The following KCNJ3 variants were observed in gnomAD, a reference collection of about 807,000 sequenced individuals.
KCNJ3 encodes potassium inwardly rectifying channel subfamily J member 3.
In KCNJ3, 4 loss-of-function variants were observed where a neutral mutation model predicts 39.2. The observed-to-expected ratio is 0.10, with a 90% confidence interval of 0.05 to 0.23. The LOEUF is 0.23. KCNJ3 is among the 10% of genes least tolerant of loss of function. The probability of loss-of-function intolerance (pLI) is 1.00; values close to 1 mark genes in which losing one functional copy is unlikely to be tolerated. For missense variants in KCNJ3, 276 were observed against 634.9 expected, an observed-to-expected ratio of 0.43 and a Z score of 6.08; for synonymous variants, 230 against 237.4, an observed-to-expected ratio of 0.97 and a Z score of 0.29.
At chr2:154,714,120 A>T (rs1410261038) in intron 2 of KCNJ3, among the ~76,000 whole-genome samples, 3 of 152,108 alleles carry the variant, frequency 2.0e-5, no homozygotes. Flanking sequence ...TGTCTTTTAT[A>T]GCTACAAATG....
intron 2 of KCNJ3, among the ~76,000 whole-genome samples, chr2:154,727,049 C>A (rs565614152): frequency 6.6e-5 from 10 of 152,136 alleles, no homozygotes; most frequent in East Asian, 5.8e-4. Context: ...TAAAAGACTA[C>A]GCATTGGTTA....
chr2:154,782,136 T>A (rs1440559363), intron 2 of KCNJ3, among the ~76,000 whole-genome samples: 2 of 152,144 alleles, frequency 1.3e-5, no homozygotes, highest in Non-Finnish European at 2.9e-5. Flanking sequence ...TAGGAAGTCT[T>A]AATGAGTGAG....
intron 1 of KCNJ3, among the ~76,000 whole-genome samples, chr2:154,705,679 A>G (rs992268558): frequency 2.0e-5 from 3 of 152,210 alleles, no homozygotes; most frequent in African/African-American, 7.2e-5. Context: ...CATCTGTATT[A>G]TAAGTAACTT....
intron 2 of KCNJ3, among the ~76,000 whole-genome samples, chr2:154,803,092 G>A (rs1040416474): frequency 6.6e-6 from 1 of 151,968 alleles, no homozygotes. Context: ...GTCGCTTAAG[G>A]TTATTTAGAT....
In KCNJ3 at chr2:154,760,861, C is replaced by T. The variant is rs1236672668; in HGVS notation, c.919+51042C>T. 6.0e-5 allele frequency among the ~76,000 whole-genome samples: 9 copies of T among 150,412 alleles called. No individual in the cohort carries two copies. The East Asian group carries it at 1.4e-3, about 23-fold the overall frequency. On this transcript the variant is annotated intron_variant, in intron 2 of 2. Coordinates refer to ENST00000295101, the MANE Select transcript of KCNJ3 (RefSeq NM_002239.4). Reference sequence around the variant, plus strand: ...ATGCCATTCTCCTGCCTCAGCCTCCCGAGTAGCTGGGACTACAGGTGCCCG... The same window carrying T: ...ATGCCATTCTCCTGCCTCAGCCTCCTGAGTAGCTGGGACTACAGGTGCCCG...
At chr2:154,793,200 T>G (rs1405081401) in intron 2 of KCNJ3, among the ~76,000 whole-genome samples, 1 of 152,118 alleles carries the variant, frequency 6.6e-6, no homozygotes, top group East Asian at 1.9e-4. Flanking sequence ...ATAAAGATTA[T>G]ATTATATTGG....
rs764958384 is a variant in KCNJ3 at position 154,752,444 on chromosome 2, T to A, written c.919+42625T>A. On this transcript the variant is annotated intron_variant, in intron 2 of 2. Transcript: ENST00000295101. Reference sequence around the variant, plus strand: ...TGTATGGAGCTTTAAAGAAGGATTTTAAAAACTTGATGAAATTGAGAGATA... The same window carrying A: ...TGTATGGAGCTTTAAAGAAGGATTTAAAAAACTTGATGAAATTGAGAGATA... Among the ~76,000 whole-genome samples, 11 of 151,978 alleles carry A rather than the reference T, an allele frequency of 7.2e-5. 1 individual carries two copies. The highest frequency in any genetic ancestry group is 4.4e-5 in the Non-Finnish European group (3 of 67,900).
chr2:154,802,383 T>TA (rs1227535414), intron 2 of KCNJ3, among the ~76,000 whole-genome samples: 2 of 152,190 alleles, frequency 1.3e-5, no homozygotes, highest in Non-Finnish European at 2.9e-5. Context: ...CCTGATATTA[T>TA]GGTCCCTGCC....
chr2:154,831,503 CTG>C (rs1687363377), intron 2 of KCNJ3, among the ~76,000 whole-genome samples: 2 of 152,212 alleles, frequency 1.3e-5, no homozygotes, highest in South Asian at 4.1e-4. Context: ...CTGTCAAAGA[CTG>C]TTGTCAGTAC....
Position 154,857,036 on chromosome 2 carries a change from A to G in KCNJ3, c.*1723A>G, listed in dbSNP as rs1186692294. On this transcript the variant is annotated 3_prime_UTR_variant, in exon 3 of 3. Coordinates refer to ENST00000295101, the MANE Select transcript of KCNJ3 (RefSeq NM_002239.4). Reference sequence around the variant, plus strand: ...TAATACATCAACACTTAAATCATTGACTATAATAATACCTTCTGGCTACCT... The same window carrying G: ...TAATACATCAACACTTAAATCATTGGCTATAATAATACCTTCTGGCTACCT... 1 of 152,184 alleles carries G rather than the reference A, an allele frequency of 6.6e-6. No homozygotes were observed. The highest frequency in any genetic ancestry group is 1.5e-5 in the Non-Finnish European group (1 of 68,032). 9.4% of individuals were successfully genotyped at this position (152,184 alleles called of 1,614,324 possible). A position where few individuals can be genotyped will look rare whatever the true frequency, so the allele number is the denominator to read the frequency against.
intron 2 of KCNJ3, among the ~76,000 whole-genome samples, chr2:154,785,541 T>C (rs1011192236): frequency 1.6e-4 from 25 of 151,922 alleles, no homozygotes; most frequent in African/African-American, 5.6e-4. Flanking sequence ...ATGGAGAGAG[T>C]GTGTTAGTTA....
In KCNJ3 at chr2:154,857,459, C is replaced by T. The variant is rs936028977; in HGVS notation, c.*2146C>T. 4.6e-5 allele frequency: 7 copies of T among 152,028 alleles called. No individual in the cohort carries two copies. Among genetic ancestry groups the T allele is most frequent in the Admixed American group, 1.3e-4 (2 of 15,240 alleles). The allele number at this position is 152,028 out of a possible 1,614,324, so 9.4% of individuals were successfully genotyped here. Reference sequence around the variant, plus strand: ...TCTATGTCGTAGGCATTTTTAGTTCCTGGGGATTTGGACATGGCTAAGTCA... The same window carrying T: ...TCTATGTCGTAGGCATTTTTAGTTCTTGGGGATTTGGACATGGCTAAGTCA... On this transcript the variant is annotated 3_prime_UTR_variant, in exon 3 of 3. Transcript: ENST00000295101.
At chr2:154,753,218 C>A (rs529192466) in intron 2 of KCNJ3, among the ~76,000 whole-genome samples, 1 of 151,928 alleles carries the variant, frequency 6.6e-6, no homozygotes, top group Non-Finnish European at 1.5e-5. Context: ...TATGACACTC[C>A]CCTGTTACTT....
At chr2:154,838,692 T>G (rs932451712) in intron 2 of KCNJ3, among the ~76,000 whole-genome samples, 11 of 152,210 alleles carry the variant, frequency 7.2e-5, no homozygotes, top group African/African-American at 2.7e-4. Context: ...TTTTGTTTAT[T>G]TTATATAAAT....
intron 2 of KCNJ3, among the ~76,000 whole-genome samples, chr2:154,778,680 A>G (rs1161506055): frequency 6.6e-6 from 1 of 152,182 alleles, no homozygotes; most frequent in East Asian, 1.9e-4. Context: ...ATTATTATTG[A>G]TGTATTTAAT....
chr2:154,832,135 G>A (rs968244393), intron 2 of KCNJ3, among the ~76,000 whole-genome samples: 3 of 151,998 alleles, frequency 2.0e-5, no homozygotes, highest in South Asian at 2.1e-4. Context: ...ATTCATGAGC[G>A]ATCTGCCCCC....
intron 2 of KCNJ3, among the ~76,000 whole-genome samples, chr2:154,751,635 G>A (rs1685846611): frequency 6.6e-6 from 1 of 152,036 alleles, no homozygotes; most frequent in African/African-American, 2.4e-5. Context: ...CCTCTAGAAA[G>A]AAAGGTTTTA....
chr2:154,836,310 A>C (rs1687462216), intron 2 of KCNJ3, among the ~76,000 whole-genome samples: 1 of 152,054 alleles, frequency 6.6e-6, no homozygotes, highest in Non-Finnish European at 1.5e-5. Context: ...TTAAACTTAC[A>C]GAGCTAAATT....
Position 154,709,933 on chromosome 2 carries a change from G to C in KCNJ3, c.919+114G>C, listed in dbSNP as rs1574429865. 25 of 1,217,252 alleles carry C rather than the reference G, an allele frequency of 2.1e-5. No individual in the cohort carries two copies. In the East Asian group the frequency reaches 6.4e-4, roughly 31 times the overall value. 75.4% of individuals were successfully genotyped at this position (1,217,252 alleles called of 1,614,324 possible). A position where few individuals can be genotyped will look rare whatever the true frequency, so the allele number is the denominator to read the frequency against. ...TGACTCAGAGTTTACAATAATGAAA[G>C]TAATGATTTGCCTTTCATTTCTTTG... On this transcript the variant is annotated intron_variant, in intron 2 of 2. Transcript: ENST00000295101.
Sources: gnomAD v4.1 joint callset for allele counts (sites outside exome capture counted in the v4.1 genomes callset) on GRCh38, gnomAD v4.1.1 for gene constraint, MANE v1.5 for transcripts, NCBI Gene and HGNC (gene_info 2026-07-23, HGNC 2026-07-21) for gene names.